KIRREL3: variants seen among roughly 807,000 people sequenced by gnomAD.
KIRREL3 encodes the protein kin of IRRE-like protein 3.
KIRREL3 carries 36 observed loss-of-function variants against 89.7 expected under a neutral mutation model. The ratio of observed to expected loss-of-function variants is 0.40; its 90% CI spans 0.31 to 0.53. The LOEUF (loss-of-function observed/expected upper bound fraction) is 0.53, where lower values mean the gene tolerates loss of function less well. Ranked by LOEUF, KIRREL3 falls within the 20% of genes least tolerant of loss-of-function variation. The pLI, the probability that KIRREL3 is intolerant of heterozygous loss-of-function variation, is 0.49. For synonymous variants in KIRREL3, 445 were observed against 441.4 expected, an observed-to-expected ratio of 1.01 and a Z score of -0.10; for missense variants, 864 against 1,056.6, an observed-to-expected ratio of 0.82 and a Z score of 2.53.
At position 126,677,333 on chromosome 11, in the gene KIRREL3, G is replaced by A. The variant is rs566547781; in HGVS notation, c.56-114421C>T. On this transcript the variant is annotated intron_variant, in intron 1 of 16. Transcript: ENST00000525144. The surrounding 1 kb of genome is among the most constrained non-coding windows in gnomAD (Gnocchi z 5.1). Reference sequence around the variant, plus strand: ...TAGATTCCCCTATTCTGGACATTTCGTATAAGTGGAACCATAGACTGTAAC... The same window carrying A: ...TAGATTCCCCTATTCTGGACATTTCATATAAGTGGAACCATAGACTGTAAC... Among the ~76,000 whole-genome samples the A allele has an allele frequency of 4.6e-5, 7 of 152,262 alleles. No individual in the cohort carries two copies. The highest frequency in any genetic ancestry group is 2.1e-4 in the South Asian group (1 of 4,814).
rs1950048815 is a variant in KIRREL3, at chr11:126,772,511, T to A, written c.56-209599A>T. The stretch of plus-strand genomic sequence containing the variant: ...GCTATTCTGATGACCTGAAATGGCA[T>A]GTGTGTGACATGTGTGTTTCACCTC... On this transcript the variant is annotated intron_variant, in intron 1 of 16. Transcript: ENST00000525144. This position sits in a 1 kb window ranked among gnomAD's most constrained non-coding sequence, Gnocchi z 4.6. Among the ~76,000 whole-genome samples the A allele has an allele frequency of 1.3e-5, 2 of 152,182 alleles. No individual in the cohort carries two copies. Among genetic ancestry groups the A allele is most frequent in the Admixed American group, 1.3e-4 (2 of 15,278 alleles).
chr11:126,681,944 G>T (rs749626477), intron 1 of KIRREL3: 4 of 453,474 alleles, frequency 8.8e-6, no homozygotes, highest in Admixed American at 2.4e-5. Context: ...TTCAGCAACA[G>T]ATTTTACACA....
rs1002124563 is a variant in KIRREL3 at position 126,877,761 on chromosome 11, A to G, written c.55+122694T>C. On this transcript the variant is annotated intron_variant, in intron 1 of 16. Transcript: ENST00000525144. This position sits in a 1 kb window ranked among gnomAD's most constrained non-coding sequence, Gnocchi z 4.9. ...GGCACAGGATGGTGTATAAAAATAC[A>G]GGCATGACAGGAACAATGTAACAGA... is the stretch of plus-strand genomic sequence containing the variant. Among the ~76,000 whole-genome samples the G allele has an allele frequency of 6.6e-6, 1 of 152,238 alleles. No individual in the cohort carries two copies. Among genetic ancestry groups the G allele is most frequent in the African/African-American group, 2.4e-5 (1 of 41,466 alleles).
At chr11:126,984,770 G>A (rs922523852) in intron 1 of KIRREL3, among the ~76,000 whole-genome samples, 1 of 152,116 alleles carries the variant, frequency 6.6e-6, no homozygotes, top group Non-Finnish European at 1.5e-5. Context: ...CAAGCTCCAT[G>A]TGAGCCCGCA....
At chr11:126,457,725 A>G (rs1011731404) in intron 6 of KIRREL3, among the ~76,000 whole-genome samples, 1 of 152,200 alleles carries the variant, frequency 6.6e-6, no homozygotes, top group African/African-American at 2.4e-5. Flanking sequence ...TGAATCAGAC[A>G]AGAATTTCAG....
chr11:126,490,200 TTGTG>T lies in KIRREL3; in HGVS notation c.434-16738_434-16735del, dbSNP rs10609593. Reference sequence around the variant, plus strand: ...TATTTGCATTTGGCTTTGGAATGCATTGTGTGTGTGTGTGTGTGTGTGTGTGTGT... The same window carrying T: ...TATTTGCATTTGGCTTTGGAATGCATTGTGTGTGTGTGTGTGTGTGTGTGT... On this transcript the variant is annotated intron_variant, in intron 4 of 16. Coordinates refer to ENST00000525144, the MANE Select transcript of KIRREL3 (RefSeq NM_032531.4). This position sits in a 1 kb window ranked among gnomAD's most constrained non-coding sequence, Gnocchi z 4.2. Among the ~76,000 whole-genome samples the T allele has an allele frequency of 8.8e-3, 1,247 of 141,044 alleles. 19 individuals are homozygous for T. The highest frequency in any genetic ancestry group is 0.031 in the African/African-American group (1,140 of 36,808). 92.5% of individuals were successfully genotyped at this position (141,044 alleles called of 152,430 possible).
rs1474097472 is a variant in KIRREL3 at position 126,474,423 on chromosome 11, C to T, written c.434-957G>A. ...GGCAGAGCCAGGGCTGGAGGCCAGG[C>T]CCAGGGAACCTGGGAGCACCAGGCC... On this transcript the variant is annotated intron_variant, in intron 4 of 16. Transcript: ENST00000525144. The surrounding 1 kb of genome is among the most constrained non-coding windows in gnomAD (Gnocchi z 6.7). Among the ~76,000 whole-genome samples, 1 of 152,204 alleles carries T rather than the reference C, an allele frequency of 6.6e-6. No homozygotes were observed. Among genetic ancestry groups the T allele is most frequent in the Non-Finnish European group, 1.5e-5 (1 of 68,026 alleles).
intron 1 of KIRREL3, among the ~76,000 whole-genome samples, chr11:126,728,711 G>A (rs2134188277): frequency 6.6e-6 from 1 of 152,340 alleles, no homozygotes; most frequent in Admixed American, 6.5e-5. Context: ...TCAGTGGAGT[G>A]AAGCCTGTTA....
intron 1 of KIRREL3, among the ~76,000 whole-genome samples, chr11:126,875,715 G>T (rs961977415): frequency 6.6e-6 from 1 of 152,146 alleles, no homozygotes; most frequent in Admixed American, 6.5e-5. Flanking sequence ...TTTAAAAATT[G>T]TTCATTGTTT....
At position 126,902,295 on chromosome 11, in the gene KIRREL3, G is replaced by A. The variant is rs543913984; in HGVS notation, c.55+98160C>T. On this transcript the variant is annotated intron_variant, in intron 1 of 16. Transcript: ENST00000525144. ...AAAGAAATCCAGTTCCTGGTGAGGT[G>A]GCACACACTTTCGTGTCTTTGTTAT... Among the ~76,000 whole-genome samples, 7 of 152,290 alleles carry A rather than the reference G, an allele frequency of 4.6e-5. No homozygotes were observed. The East Asian group carries it at 1.4e-3, about 29-fold the overall frequency.
intron 7 of KIRREL3, among the ~76,000 whole-genome samples, chr11:126,456,067 T>A (rs992671683): frequency 8.2e-6 from 1 of 121,782 alleles, no homozygotes; most frequent in African/African-American, 3.4e-5. Context: ...TCCTGAGCCT[T>A]TTCCCCATGT....
rs1403765984 is a variant in KIRREL3 at position 126,791,035 on chromosome 11, A to C, written c.55+209420T>G. Among the ~76,000 whole-genome samples, 3 of 152,228 alleles carry C rather than the reference A, an allele frequency of 2.0e-5. No individual in the cohort carries two copies. Among genetic ancestry groups the C allele is most frequent in the Admixed American group, 2.0e-4 (3 of 15,284 alleles). Reference sequence around the variant, plus strand: ...TTTGTCGATGAGAATGCAAATGAGCATGATGTCACTTCTTAGCTTTGGGAG... The same window carrying C: ...TTTGTCGATGAGAATGCAAATGAGCCTGATGTCACTTCTTAGCTTTGGGAG... On this transcript the variant is annotated intron_variant, in intron 1 of 16. Coordinates refer to ENST00000525144, the MANE Select transcript of KIRREL3 (RefSeq NM_032531.4). This position sits in a 1 kb window ranked among gnomAD's most constrained non-coding sequence, Gnocchi z 4.8.
At chr11:126,688,327 C>T (rs941890352) in intron 1 of KIRREL3, among the ~76,000 whole-genome samples, 2 of 152,156 alleles carry the variant, frequency 1.3e-5, no homozygotes, top group African/African-American at 4.8e-5. Context: ...AAGTTGTTGA[C>T]TGGAAGACAT....
In KIRREL3 at chr11:126,550,931, C is replaced by A. The variant is rs1018889812; in HGVS notation, c.133+11904G>T. ...CTGGGGGCTCAGTCCCCAAGACTTC[C>A]CCCACACCCTGGCACCTGTCACAAG... On this transcript the variant is annotated intron_variant, in intron 2 of 16. Coordinates refer to ENST00000525144, the MANE Select transcript of KIRREL3 (RefSeq NM_032531.4). This position sits in a 1 kb window ranked among gnomAD's most constrained non-coding sequence, Gnocchi z 4.9. 6.6e-6 allele frequency among the ~76,000 whole-genome samples: 1 copy of A among 152,156 alleles called. No homozygotes were observed. The highest frequency in any genetic ancestry group is 1.5e-5 in the Non-Finnish European group (1 of 68,042).
rs115005681 is a variant in KIRREL3, at chr11:126,559,223, T to C, written c.133+3612A>G. The stretch of plus-strand genomic sequence containing the variant: ...GGAATCACCCAAAACAGGGAGACCA[T>C]TTTGTGGACTGTTCCACATCTGTGT... On this transcript the variant is annotated intron_variant, in intron 2 of 16. Transcript: ENST00000525144. Among the ~76,000 whole-genome samples, 1,492 of 152,310 alleles carry C rather than the reference T, an allele frequency of 9.8e-3. 30 individuals carry two copies. Among genetic ancestry groups the C allele is most frequent in the African/African-American group, 0.033 (1,379 of 41,566 alleles).
intron 1 of KIRREL3, among the ~76,000 whole-genome samples, chr11:126,915,865 G>C (rs984613958): frequency 1.2e-4 from 18 of 152,052 alleles, no homozygotes; most frequent in African/African-American, 4.3e-4. Flanking sequence ...GTCTTGAAAT[G>C]GGTCACATAA....
rs911260049 is a variant in KIRREL3, at chr11:126,607,128, C to A, written c.56-44216G>T. ...TGGGGCTTATGAGTAGCTAGGGCCT[C>A]CCAGGAGGTCGTCAGAGTGGATGGA... On this transcript the variant is annotated intron_variant, in intron 1 of 16. Coordinates refer to ENST00000525144, the MANE Select transcript of KIRREL3 (RefSeq NM_032531.4). This position sits in a 1 kb window ranked among gnomAD's most constrained non-coding sequence, Gnocchi z 6.6. Among the ~76,000 whole-genome samples, 1 of 152,150 alleles carries A rather than the reference C, an allele frequency of 6.6e-6. No individual in the cohort carries two copies. Among genetic ancestry groups the A allele is most frequent in the Non-Finnish European group, 1.5e-5 (1 of 68,018 alleles).
chr11:126,887,213 C>T (rs747664921), intron 1 of KIRREL3, among the ~76,000 whole-genome samples: 21 of 152,252 alleles, frequency 1.4e-4, no homozygotes, highest in Middle Eastern at 3.4e-3. Context: ...CTGCAACATC[C>T]GAGTCTGACT....
intron 1 of KIRREL3, among the ~76,000 whole-genome samples, chr11:126,968,676 C>T (rs1351675554): frequency 6.6e-6 from 1 of 152,238 alleles, no homozygotes; most frequent in African/African-American, 2.4e-5. Flanking sequence ...GAAAGCTGCT[C>T]TAAGCTGGGT....
Sources: gnomAD v4.1 joint callset for allele counts (sites outside exome capture counted in the v4.1 genomes callset) on GRCh38, gnomAD v4.1.1 for gene constraint, Gnocchi (gnomAD v3.1) non-coding constraint, MANE v1.5 for transcripts, NCBI Gene and HGNC (gene_info 2026-07-23, HGNC 2026-07-21) for gene names.